Variants in SDK2 observed in about 807,000 individuals in gnomAD.
SDK2 encodes the protein protein sidekick-2.
A neutral mutation model predicts 253.9 loss-of-function variants in SDK2; 105 were observed. The ratio of observed to expected loss-of-function variants is 0.41; its 90% CI spans 0.35 to 0.49. The LOEUF is 0.49. Among genes scored for constraint, SDK2 ranks in the 20% least tolerant of loss-of-function variants. The pLI is 0.06. For missense variants in SDK2, 2,608 were observed against 3,003.0 expected (o/e 0.87, Z 3.07); for synonymous variants, 1,249 against 1,234.9 (o/e 1.01, Z -0.24).
intron 1 of SDK2, among the ~76,000 whole-genome samples, chr17:73,605,827 A>G (rs2045900390): frequency 6.6e-6 from 1 of 152,134 alleles, no homozygotes; most frequent in Non-Finnish European, 1.5e-5. Context: ...AGCGCTCAAA[A>G]TGCTTGCTGA....
intron 1 of SDK2, among the ~76,000 whole-genome samples, chr17:73,555,239 G>T (rs1422476906): frequency 2.0e-5 from 3 of 152,246 alleles, no homozygotes; most frequent in African/African-American, 7.2e-5. Flanking sequence ...CTATACAGAT[G>T]AGCCAGCGAG....
chr17:73,561,698 C>G (rs144895272), intron 1 of SDK2, among the ~76,000 whole-genome samples: 2 of 152,252 alleles, frequency 1.3e-5, no homozygotes, highest in African/African-American at 4.8e-5. Flanking sequence ...ACTGTGCAGA[C>G]TCCTGTACGG....
chr17:73,401,214 G>T lies in SDK2; in HGVS notation c.2780-3C>A. The stretch of plus-strand genomic sequence containing the variant: ...CTCCTCCCAGGAGATCCGGTACCCT[G>T]GGGAGAGCCGCCGTGTTGGCATGAG... On this transcript the variant is annotated splice_region_variant and splice_polypyrimidine_tract_variant and intron_variant, in intron 20 of 44. Transcript: ENST00000392650. 6.5e-7 allele frequency: 1 copy of T among 1,543,316 alleles called. No individual in the cohort carries two copies. Among genetic ancestry groups the T allele is most frequent in the African/African-American group, 1.4e-5 (1 of 73,094 alleles).
In SDK2 at chr17:73,383,776, C is replaced by G; in HGVS notation, c.4705+100G>C. The G allele has an allele frequency of 6.9e-7, 1 of 1,459,194 alleles. No individual in the cohort carries two copies. The highest frequency in any genetic ancestry group is 9.4e-7 in the Non-Finnish European group (1 of 1,060,402). The allele number at this position is 1,459,194 out of a possible 1,614,324, so 90.4% of individuals were successfully genotyped here. ...CACATGGAGGAGGGAGGCAAGGTTT[C>G]AGGTTAGAGTGGTTCCAGGAAGCTG... On this transcript the variant is annotated intron_variant, in intron 33 of 44. Transcript: ENST00000392650. The surrounding 1 kb of genome is among the most constrained non-coding windows in gnomAD (Gnocchi z 4.3).
chr17:73,414,908 T>G (rs1489872294), intron 17 of SDK2, 149 bp from the exon 18 acceptor site: 1 of 599,056 alleles, frequency 1.7e-6, no homozygotes, highest in Non-Finnish European at 3.0e-6. Flanking sequence ...TGTGTAGACT[T>G]AAGAGGCCTT....
At chr17:73,564,035 A>G (rs1426043313) in intron 1 of SDK2, among the ~76,000 whole-genome samples, 2 of 152,152 alleles carry the variant, frequency 1.3e-5, no homozygotes, top group African/African-American at 2.4e-5. Context: ...CGGCCTCCCA[A>G]AGTGCTGGAA....
chr17:73,432,589 C>T (rs2063334106), intron 10 of SDK2, among the ~76,000 whole-genome samples: 1 of 151,258 alleles, frequency 6.6e-6, no homozygotes, highest in African/African-American at 2.4e-5. Flanking sequence ...ACACCCCTGA[C>T]TTTGTGGGGA....
Position 73,642,162 on chromosome 17 carries a change from T to A in SDK2, c.64+1863A>T, listed in dbSNP as rs922501073. On this transcript the variant is annotated intron_variant, in intron 1 of 44. Transcript: ENST00000392650. This position sits in a 1 kb window ranked among gnomAD's most constrained non-coding sequence, Gnocchi z 4.7. ...CTTAACTTCAGCAGGAGGGGTGGGATCTTGGCCTCAAGTGGATGGCACAGG... is the reference window on the plus strand; with the variant it reads ...CTTAACTTCAGCAGGAGGGGTGGGAACTTGGCCTCAAGTGGATGGCACAGG... Among the ~76,000 whole-genome samples, 5 of 152,056 alleles carry A rather than the reference T, an allele frequency of 3.3e-5. No individual in the cohort carries two copies. Among genetic ancestry groups the A allele is most frequent in the African/African-American group, 7.2e-5 (3 of 41,412 alleles).
chr17:73,626,264 A>G (rs2046199764), intron 1 of SDK2, among the ~76,000 whole-genome samples: 1 of 152,188 alleles, frequency 6.6e-6, no homozygotes, highest in Admixed American at 6.5e-5. Flanking sequence ...TCTTGTCTGT[A>G]GTGACAGATG....
At chr17:73,498,253 C>A (rs1384561081) in intron 2 of SDK2, among the ~76,000 whole-genome samples, 1 of 152,216 alleles carries the variant, frequency 6.6e-6, no homozygotes, top group Non-Finnish European at 1.5e-5. Context: ...GTCCACACTA[C>A]TCAAGTTCTG....
intron 1 of SDK2, among the ~76,000 whole-genome samples, chr17:73,586,570 A>G (rs2045606117): frequency 6.6e-6 from 1 of 150,558 alleles, no homozygotes; most frequent in Non-Finnish European, 1.5e-5. Context: ...CCCAGCCGTG[A>G]AATTTAATTT....
intron 37 of SDK2, among the ~76,000 whole-genome samples, chr17:73,367,542 C>T (rs893185371): frequency 6.6e-6 from 1 of 151,924 alleles, no homozygotes; most frequent in East Asian, 2.0e-4. Context: ...CTCTGTCACC[C>T]AGGCTAGAGT....
rs1000742403 is a variant in SDK2 at position 73,382,668 on chromosome 17, T to C, written c.4705+1208A>G. ...CACCTAACTGTCCGCCAATGCGGAA[T>C]ACTAAATAATTATGATGCGAGTGGC... On this transcript the variant is annotated intron_variant, in intron 33 of 44. Transcript: ENST00000392650. Among the ~76,000 whole-genome samples, 4 of 152,374 alleles carry C rather than the reference T, an allele frequency of 2.6e-5. 1 individual carries two copies. The highest frequency in any genetic ancestry group is 2.6e-4 in the Admixed American group (4 of 15,304).
intron 18 of SDK2, among the ~76,000 whole-genome samples, chr17:73,412,068 ACGTATATATG>A (rs2063138798): frequency 8.0e-5 from 2 of 24,982 alleles, no homozygotes; most frequent in South Asian, 1.7e-3. Context: ...ATGTATATAT[ACGTATATATG>A]TATATGTATA....
rs74418722 is a variant in SDK2 at position 73,446,173 on chromosome 17, C to T, written c.613+1442G>A. Among the ~76,000 whole-genome samples, 91 of 152,244 alleles carry T rather than the reference C, an allele frequency of 6.0e-4. 1 individual carries two copies. The East Asian group carries it at 0.017, about 29-fold the overall frequency. On this transcript the variant is annotated intron_variant, in intron 5 of 44. Transcript: ENST00000392650. ...CCTGTGTCTTTGACATTGTCTCTTA[C>T]CAAATGACGGGATTCCATGAGACTC... is the stretch of plus-strand genomic sequence containing the variant.
At chr17:73,343,070 G>A (rs532123045) in intron 44 of SDK2, among the ~76,000 whole-genome samples, 2 of 152,318 alleles carry the variant, frequency 1.3e-5, no homozygotes, top group East Asian at 3.9e-4. Flanking sequence ...CAAGACAGAG[G>A]CATGTCCGGA....
intron 1 of SDK2, among the ~76,000 whole-genome samples, chr17:73,580,330 G>A (rs867735711): frequency 1.3e-5 from 2 of 152,254 alleles, no homozygotes; most frequent in Middle Eastern, 3.2e-3. Context: ...CAGATGCTCT[G>A]AGGACATGGT....
chr17:73,508,661 A>G (rs764111686), intron 1 of SDK2, among the ~76,000 whole-genome samples: 1 of 152,124 alleles, frequency 6.6e-6, no homozygotes, highest in Non-Finnish European at 1.5e-5. Context: ...CAGGATTACA[A>G]TCTACATTTT....
chr17:73,431,532 C>T lies in SDK2; in HGVS notation c.1450G>A (p.Asp484Asn), dbSNP rs199755742. ...TCLATNSRGV[D>N]EASADLVVWA... ...ACGACTAGGTCTGCTGAGGCCTCAT[C>T]GACCCCCCGAGAGTTGGTGGCCAGG... Residue 484 changes from aspartate (D) to asparagine (N), a missense_variant, in exon 11 of 45, where the codon GAT becomes AAT. Coordinates refer to ENST00000392650, the MANE Select transcript of SDK2 (RefSeq NM_001144952.2). This position sits in a 1 kb window ranked among gnomAD's most constrained non-coding sequence, Gnocchi z 5.6. 4.6e-5 allele frequency: 74 copies of T among 1,613,410 alleles called. No individual in the cohort carries two copies. Among genetic ancestry groups the T allele is most frequent in the East Asian group, 1.8e-4 (8 of 44,884 alleles).
Sources: allele counts gnomAD v4.1 joint callset (sites outside exome capture counted in the v4.1 genomes callset), GRCh38; gene constraint gnomAD v4.1.1; non-coding constraint Gnocchi (gnomAD v3.1); transcripts MANE v1.5; gene names NCBI Gene and HGNC (gene_info 2026-07-23, HGNC 2026-07-21).